The following YBX2 variants were observed in gnomAD, a reference collection of about 807,000 sequenced individuals.
The protein encoded by YBX2 is Y-box-binding protein 2.
YBX2 carries 5 observed loss-of-function variants against 44.4 expected under a neutral mutation model. The observed-to-expected ratio is 0.11, with a 90% CI of 0.06 to 0.24. The LOEUF is 0.24. Among genes scored for constraint, YBX2 ranks in the 10% least tolerant of loss-of-function variants. The pLI, the probability that YBX2 is intolerant of heterozygous loss-of-function variation, is 1.00. For missense variants in YBX2, 417 were observed against 526.9 expected (o/e 0.79, Z 2.04); for synonymous variants, 188 against 216.1 (o/e 0.87, Z 1.14).
chr17:7,291,965 T>C lies in YBX2; in HGVS notation c.369+61A>G. The C allele has an allele frequency of 1.9e-6, 3 of 1,604,052 alleles. No homozygotes were observed. The highest frequency in any genetic ancestry group is 1.7e-6 in the Non-Finnish European group (2 of 1,170,956). The stretch of plus-strand genomic sequence containing the variant: ...CATGGCGGAGCGCACTGCTAAGGAT[T>C]ACAGCAAAGGCCTTCAAAGACGGCC... On this transcript the variant is annotated intron_variant, in intron 3 of 8. Coordinates refer to ENST00000007699, the MANE Select transcript of YBX2 (RefSeq NM_015982.4). This position sits in a 1 kb window ranked among gnomAD's most constrained non-coding sequence, Gnocchi z 5.8.
Position 7,291,016 on chromosome 17 carries a change from G to GA in YBX2, c.459+76_459+77insT. The stretch of plus-strand genomic sequence containing the variant: ...AACGGGTCAGAGCTGGCCCCAGGAG[G>GA]GTCTTAGCCTGTGATGACCTCCAGG... On this transcript the variant is annotated intron_variant, in intron 4 of 8. Coordinates refer to ENST00000007699, the MANE Select transcript of YBX2 (RefSeq NM_015982.4). The surrounding 1 kb of genome is among the most constrained non-coding windows in gnomAD (Gnocchi z 5.8). The GA allele has an allele frequency of 7.0e-7, 1 of 1,438,502 alleles. No individual in the cohort carries two copies. The allele number at this position is 1,438,502 out of a possible 1,614,324, so 89.1% of individuals were successfully genotyped here. A position where few individuals can be genotyped will look rare whatever the true frequency, so the allele number is the denominator to read the frequency against.
Position 7,290,080 on chromosome 17 carries a change from A to G in YBX2, c.745-9T>C, listed in dbSNP as rs2072489678. ...TCTACCCTGTCAGTGCCCTGGGAAC[A>G]TGCAAAGGCCCCGGTGAGCTGTGGG... On this transcript the variant is annotated splice_polypyrimidine_tract_variant and intron_variant, in intron 5 of 8. Transcript: ENST00000007699. The G allele has an allele frequency of 6.2e-7, 1 of 1,613,870 alleles. No homozygotes were observed. Among genetic ancestry groups the G allele is most frequent in the Non-Finnish European group, 8.5e-7 (1 of 1,179,926 alleles).
At chr17:7,292,474 A>G in intron 2 of YBX2, 1 of 239,498 alleles carries the variant, frequency 4.2e-6, no homozygotes, top group South Asian at 6.1e-5. Flanking sequence ...TTCCTTCTAT[A>G]GTCAAGGAGG....
At chr17:7,293,354 C>T (rs1249477904) in intron 2 of YBX2, 121 bp downstream of exon 2, 2 of 1,546,808 alleles carry the variant, frequency 1.3e-6, no homozygotes, top group Non-Finnish European at 1.8e-6. Context: ...TTTCAACCAG[C>T]ATCAGCTGGA....
rs1362959178 is a variant in YBX2, at chr17:7,291,012, G to A, written c.459+81C>T. Reference sequence around the variant, plus strand: ...GCAGAACGGGTCAGAGCTGGCCCCAGGAGGGTCTTAGCCTGTGATGACCTC... The same window carrying A: ...GCAGAACGGGTCAGAGCTGGCCCCAAGAGGGTCTTAGCCTGTGATGACCTC... On this transcript the variant is annotated intron_variant, in intron 4 of 8. Transcript: ENST00000007699. The surrounding 1 kb of genome is among the most constrained non-coding windows in gnomAD (Gnocchi z 5.8). 1.5e-5 allele frequency: 21 copies of A among 1,415,878 alleles called. No homozygotes were observed. The highest frequency in any genetic ancestry group is 2.8e-5 in the African/African-American group (2 of 70,724). The allele number at this position is 1,415,878 out of a possible 1,614,324, so 87.7% of individuals were successfully genotyped here. A position where few individuals can be genotyped will look rare whatever the true frequency, so the allele number is the denominator to read the frequency against.
At chr17:7,292,349 G>A (rs371343984) in intron 2 of YBX2, 42 of 436,362 alleles carry the variant, frequency 9.6e-5, no homozygotes, top group African/African-American at 7.1e-4. Flanking sequence ...TGCCCCTGCC[G>A]GGACTCCACC....
Position 7,290,415 on chromosome 17 carries a change from G to A in YBX2, c.580C>T (p.Pro194Ser). 1 of 1,613,978 alleles carries A rather than the reference G, an allele frequency of 6.2e-7. No individual in the cohort carries two copies. Among genetic ancestry groups the A allele is most frequent in the African/African-American group, 1.3e-5 (1 of 75,008 alleles). ...IPRPPSVAPPPMVAEIPSAGT... is the reference protein window; with the variant it reads ...IPRPPSVAPPSMVAEIPSAGT... ...GCCGAGGGGATCTCTGCCACCATGG[G>A]TGGTGGGGCAACTGAGGGAGGCCGG... Residue 194 changes from proline (P) to serine (S), a missense_variant, in exon 5 of 9, where the codon CCC becomes TCC. Pro to Ser is a moderately conservative substitution (Grantham distance 74). This residue lies in a region of YBX2 where 257 missense variants were observed against 261.7 expected (regional missense o/e 0.98). Coordinates refer to ENST00000007699, the MANE Select transcript of YBX2 (RefSeq NM_015982.4).
chr17:7,288,707 C>A (rs1369629411), intron 8 of YBX2, 42 bp downstream of exon 8: 19 of 1,546,450 alleles, frequency 1.2e-5, no homozygotes, highest in African/African-American at 2.7e-5. Context: ...CACCCAGTAC[C>A]TCACCTTCCT....
At chr17:7,293,816 C>G in intron 1 of YBX2, 2 of 602,858 alleles carry the variant, frequency 3.3e-6, no homozygotes, top group Middle Eastern at 4.6e-4. Context: ...TCACCTAGAA[C>G]TGGGTACTCA....
In YBX2 at chr17:7,290,264, T is replaced by C. The variant is rs933408692; in HGVS notation, c.731A>G (p.Gln244Arg). The change falls in exon 5 of 9, where the codon CAG becomes CGG. Residue 244 changes from glutamine to arginine, a missense_variant. Gln to Arg is a conservative substitution (Grantham distance 43). Transcript: ENST00000007699. ...FVRGPRPPNQ[Q>R]QPIEGTDRVE... Reference sequence around the variant, plus strand: ...GCATCCCCTCACCTCTATAGGCTGCTGCTGGTTGGGAGGCCGGGGGCCTCG... The same window carrying C: ...GCATCCCCTCACCTCTATAGGCTGCCGCTGGTTGGGAGGCCGGGGGCCTCG... The C allele has an allele frequency of 1.7e-5, 28 of 1,612,964 alleles. No homozygotes were observed. Among genetic ancestry groups the C allele is most frequent in the Non-Finnish European group, 2.4e-5 (28 of 1,179,294 alleles).
At position 7,290,344 on chromosome 17, in the gene YBX2, C is replaced by T. The variant is rs777764091; in HGVS notation, c.651G>A (p.Gly217=). The T allele has an allele frequency of 6.2e-7, 1 of 1,613,950 alleles. No individual in the cohort carries two copies. Among genetic ancestry groups the T allele is most frequent in the Admixed American group, 1.7e-5 (1 of 60,028 alleles). ...GSKGERAEDS[G]QRPRRWCPPP... ...GGGGGCACCATCGTCGGGGCCGTTG[C>T]CCAGAGTCTTCAGCCCGCTCCCCTT... is the stretch of plus-strand genomic sequence containing the variant. Residue 217 remains glycine, a synonymous_variant, in exon 5 of 9, where the codon GGG becomes GGA. Coordinates refer to ENST00000007699, the MANE Select transcript of YBX2 (RefSeq NM_015982.4).
chr17:7,294,096 G>A lies in YBX2; in HGVS notation c.271+134C>T. ...CCAGGGGAATCCACTTTGGTGCGCA[G>A]CTCCCAGCCCAGTTAGCGCTCTGGG... On this transcript the variant is annotated intron_variant, in intron 1 of 8. Transcript: ENST00000007699. This position sits in a 1 kb window ranked among gnomAD's most constrained non-coding sequence, Gnocchi z 4.6. 1 of 1,030,624 alleles carries A rather than the reference G, an allele frequency of 9.7e-7. No homozygotes were observed. The highest frequency in any genetic ancestry group is 1.2e-6 in the Non-Finnish European group (1 of 802,378). The allele number at this position is 1,030,624 out of a possible 1,614,324, so 63.8% of individuals were successfully genotyped here.
Position 7,291,437 on chromosome 17 carries a change from G to T in YBX2, c.370-255C>A. 1.9e-6 allele frequency: 1 copy of T among 536,786 alleles called. No individual in the cohort carries two copies. The highest frequency in any genetic ancestry group is 5.2e-4 in the Middle Eastern group (1 of 1,908). 33.3% of individuals were successfully genotyped at this position (536,786 alleles called of 1,614,324 possible). A position where few individuals can be genotyped will look rare whatever the true frequency, so the allele number is the denominator to read the frequency against. On this transcript the variant is annotated intron_variant, in intron 3 of 8. Coordinates refer to ENST00000007699, the MANE Select transcript of YBX2 (RefSeq NM_015982.4). The surrounding 1 kb of genome is among the most constrained non-coding windows in gnomAD (Gnocchi z 5.8). ...CTCCCGCCCCGCTTTACCCCTCAGG[G>T]ATTTCAGAAAGGGAGGCAAGAAATA...
intron 2 of YBX2, 149 bp downstream of exon 2, chr17:7,293,326 T>C (rs1048629744): frequency 7.1e-7 from 1 of 1,407,164 alleles, no homozygotes; most frequent in South Asian, 1.2e-5. Context: ...AGCACACATT[T>C]GTGCTGCGGT....
chr17:7,294,001 C>T lies in YBX2; in HGVS notation c.271+229G>A. The T allele has an allele frequency of 2.0e-6, 1 of 509,824 alleles. No homozygotes were observed. The highest frequency in any genetic ancestry group is 3.2e-6 in the Non-Finnish European group (1 of 316,852). 31.6% of individuals were successfully genotyped at this position (509,824 alleles called of 1,614,324 possible). ...TGGCCGGACCCTGGGGCTTTATTCT[C>T]CACCCCAAGACCTTAGCTGAACCTG... On this transcript the variant is annotated intron_variant, in intron 1 of 8. Transcript: ENST00000007699. The surrounding 1 kb of genome is among the most constrained non-coding windows in gnomAD (Gnocchi z 4.6).
rs1354334506 is a variant in YBX2 at position 7,294,181 on chromosome 17, C to A, written c.271+49G>T. 1 of 1,248,844 alleles carries A rather than the reference C, an allele frequency of 8.0e-7. No individual in the cohort carries two copies. The highest frequency in any genetic ancestry group is 1.0e-6 in the Non-Finnish European group (1 of 1,000,016). 77.4% of individuals were successfully genotyped at this position (1,248,844 alleles called of 1,614,324 possible). A position where few individuals can be genotyped will look rare whatever the true frequency, so the allele number is the denominator to read the frequency against. On this transcript the variant is annotated intron_variant, in intron 1 of 8. Coordinates refer to ENST00000007699, the MANE Select transcript of YBX2 (RefSeq NM_015982.4). This position sits in a 1 kb window ranked among gnomAD's most constrained non-coding sequence, Gnocchi z 4.6. ...CTGCCGGGCTCCACACTGCCCCTCCCCCAGCCCGCCGACCCCTCAGAGCCG... is the reference window on the plus strand; with the variant it reads ...CTGCCGGGCTCCACACTGCCCCTCCACCAGCCCGCCGACCCCTCAGAGCCG...
Position 7,290,378 on chromosome 17 carries a change from G to T in YBX2, c.617C>A (p.Pro206His). Residue 206 changes from proline to histidine, a missense_variant, in exon 5 of 9, where the codon CCT becomes CAT. This residue lies in a region of YBX2 where 257 missense variants were observed against 261.7 expected (regional missense o/e 0.98). Transcript: ENST00000007699. The stretch of plus-strand genomic sequence containing the variant: ...TTCAGCCCGCTCCCCTTTACTGCCA[G>T]GTCCTGTCCCCGCCGAGGGGATCTC... ...VAEIPSAGTG[P>H]GSKGERAEDS... is the part of the protein sequence containing the mutation. The T allele has an allele frequency of 6.2e-7, 1 of 1,613,998 alleles. No individual in the cohort carries two copies. The highest frequency in any genetic ancestry group is 8.5e-7 in the Non-Finnish European group (1 of 1,180,006).
chr17:7,290,220 A>T, intron 5 of YBX2, 31 bp downstream of exon 5: 1 of 1,606,790 alleles, frequency 6.2e-7, no homozygotes, highest in Non-Finnish European at 8.5e-7. Context: ...GAACTTGGGG[A>T]ACTGGCTCCC....
At chr17:7,289,847 G>A (rs1597603158) in intron 6 of YBX2, 121 bp downstream of exon 6, 1 of 1,585,622 alleles carries the variant, frequency 6.3e-7, no homozygotes, top group Non-Finnish European at 8.6e-7. Flanking sequence ...CTCCCCGCAA[G>A]GCACCTGTCT....
Sources: gnomAD v4.1 joint callset for allele counts on GRCh38, gnomAD v4.1.1 for gene constraint, gnomAD v4.1.1 regional missense constraint, Gnocchi (gnomAD v3.1) non-coding constraint, MANE v1.5 for transcripts, NCBI Gene and HGNC (gene_info 2026-07-23, HGNC 2026-07-21) for gene names.